Variants in TXK observed in about 807,000 individuals in gnomAD.
TXK encodes tyrosine-protein kinase TXK.
TXK carries 60 observed loss-of-function variants against 81.0 expected under a neutral mutation model. The ratio of observed to expected loss-of-function variants is 0.74; its 90% CI spans 0.60 to 0.92. The LOEUF is 0.92. Among genes scored for constraint, TXK ranks in the 40% least tolerant of loss-of-function variants. The pLI, the probability that TXK is intolerant of heterozygous loss-of-function variation, is 0.00. For synonymous variants in TXK, 203 were observed against 210.7 expected, an observed-to-expected ratio of 0.96 and a Z score of 0.32; for missense variants, 581 against 638.3, an observed-to-expected ratio of 0.91 and a Z score of 0.97.
Position 48,134,152 on chromosome 4 carries a change from C to G in TXK, c.16+3G>C, listed in dbSNP as rs1719319106. ...AATAAATGACAAAGCCCATCTTACT[C>G]ACAGGAGGAAAGGATCATGGTAGCC... On this transcript the variant is annotated splice_donor_region_variant and intron_variant, in intron 1 of 14. Coordinates refer to ENST00000264316, the MANE Select transcript of TXK (RefSeq NM_003328.3). 6.2e-7 allele frequency: 1 copy of G among 1,613,282 alleles called. No individual in the cohort carries two copies. Among genetic ancestry groups the G allele is most frequent in the Non-Finnish European group, 8.5e-7 (1 of 1,179,646 alleles).
At chr4:48,079,776 CA>C in intron 11 of TXK, 135 bp downstream of exon 11, 1 of 729,956 alleles carries the variant, frequency 1.4e-6, no homozygotes, top group Non-Finnish European at 2.3e-6. Context: ...TTACATTTTA[CA>C]ACAAATTGCA....
intron 8 of TXK, among the ~76,000 whole-genome samples, chr4:48,092,597 A>G (rs1464620729): frequency 1.5e-5 from 1 of 67,618 alleles, no homozygotes; most frequent in Non-Finnish European, 4.0e-5. Flanking sequence ...GCAATGTGTA[A>G]AGGGAGAAAG....
intron 8 of TXK, 53 bp downstream of exon 8, chr4:48,094,024 G>T: frequency 1.2e-6 from 2 of 1,610,222 alleles, no homozygotes; most frequent in East Asian, 4.5e-5. Context: ...AAGATGCATT[G>T]CCCATCAAGG....
chr4:48,092,213 T>C (rs1241713655), intron 8 of TXK, among the ~76,000 whole-genome samples: 3 of 152,146 alleles, frequency 2.0e-5, no homozygotes, highest in Admixed American at 2.0e-4. Flanking sequence ...GACAGAAGAT[T>C]ATGCAAAGGG....
intron 8 of TXK, 127 bp downstream of exon 8, chr4:48,093,950 T>C (rs1717875974): frequency 1.6e-6 from 2 of 1,288,124 alleles, no homozygotes; most frequent in African/African-American, 3.0e-5. Flanking sequence ...AAAAGATAAG[T>C]TGTACTTCAA....
Position 48,110,564 on chromosome 4 carries a change from G to GT in TXK, c.419dup (p.Asn140LysfsTer5). On this transcript the variant is annotated frameshift_variant, in exon 5 of 15. Transcript: ENST00000264316. LOFTEE classifies it high-confidence loss of function. ...CATATATTTCTAAATTAGTTATTTT[G>GT]TTTTCAGTCACATAGTTGCTTGGGA... 1 of 1,611,356 alleles carries GT rather than the reference G, an allele frequency of 6.2e-7. No homozygotes were observed. The highest frequency in any genetic ancestry group is 1.7e-4 in the Middle Eastern group (1 of 6,050).
chr4:48,095,246 A>G, intron 6 of TXK, 24 bp from the exon 7 acceptor site: 4 of 1,578,280 alleles, frequency 2.5e-6, no homozygotes, highest in Non-Finnish European at 3.5e-6. Context: ...CATTTATTGA[A>G]TAAGTCTATT....
chr4:48,116,808 G>C (rs988448776), intron 1 of TXK, among the ~76,000 whole-genome samples: 1 of 152,224 alleles, frequency 6.6e-6, no homozygotes, highest in Non-Finnish European at 1.5e-5. Context: ...GCAGGCTGGT[G>C]AAAGGCAGAG....
intron 1 of TXK, among the ~76,000 whole-genome samples, chr4:48,116,247 C>T (rs971826629): frequency 3.3e-5 from 5 of 152,072 alleles, no homozygotes; most frequent in Non-Finnish European, 7.4e-5. Context: ...ACGGTGAGGA[C>T]TAATTGAGTC....
At chr4:48,126,669 T>TC (rs1195885976) in intron 1 of TXK, among the ~76,000 whole-genome samples, 2 of 151,494 alleles carry the variant, frequency 1.3e-5, no homozygotes, top group East Asian at 3.9e-4. Flanking sequence ...CCCGGCTAAT[T>TC]TTTTTGGTAT....
intron 3 of TXK, 140 bp from the exon 4 acceptor site, chr4:48,112,652 T>A: frequency 1.2e-6 from 1 of 810,620 alleles, no homozygotes; most frequent in Non-Finnish European, 1.9e-6. Flanking sequence ...GAGATAAATG[T>A]AGAAAAGGAC....
At chr4:48,102,021 C>A (rs2109449283) in intron 6 of TXK, among the ~76,000 whole-genome samples, 1 of 151,980 alleles carries the variant, frequency 6.6e-6, no homozygotes, top group South Asian at 2.1e-4. Flanking sequence ...CTCTGTCACC[C>A]AGGCTGGAGT....
intron 1 of TXK, among the ~76,000 whole-genome samples, chr4:48,122,346 G>A (rs941407343): frequency 6.6e-6 from 1 of 152,152 alleles, no homozygotes; most frequent in African/African-American, 2.4e-5. Flanking sequence ...TCTCACCAGA[G>A]ATTCTTGGCT....
chr4:48,093,370 G>A (rs1475595046), intron 8 of TXK, among the ~76,000 whole-genome samples: 7 of 152,216 alleles, frequency 4.6e-5, no homozygotes, highest in Admixed American at 3.3e-4. Flanking sequence ...AAAAGTTACC[G>A]TGGATTCTGA....
chr4:48,109,163 T>G (rs1718552452), intron 5 of TXK, among the ~76,000 whole-genome samples: 1 of 149,472 alleles, frequency 6.7e-6, no homozygotes, highest in South Asian at 2.1e-4. Context: ...TGCTCTTGAG[T>G]AGATAGCTGT....
At chr4:48,104,145 G>A (rs1409968990) in intron 6 of TXK, among the ~76,000 whole-genome samples, 3 of 139,210 alleles carry the variant, frequency 2.2e-5, no homozygotes, top group Non-Finnish European at 4.5e-5. Flanking sequence ...CAAGACTTCA[G>A]TCAGCTGTGA....
intron 6 of TXK, among the ~76,000 whole-genome samples, chr4:48,096,729 G>T (rs1304918796): frequency 6.6e-6 from 1 of 151,860 alleles, no homozygotes; most frequent in African/African-American, 2.4e-5. Flanking sequence ...AGGTTTCACC[G>T]TGTTGGCCAT....
intron 8 of TXK, among the ~76,000 whole-genome samples, chr4:48,092,644 A>C (rs1284354001): frequency 9.0e-6 from 1 of 111,184 alleles, no homozygotes; most frequent in Non-Finnish European, 2.1e-5. Context: ...TTTTGTTTTT[A>C]GGATAAGAAA....
chr4:48,110,385 A>G (rs922349356), intron 5 of TXK, among the ~76,000 whole-genome samples, 153 bp downstream of exon 5: 1 of 152,226 alleles, frequency 6.6e-6, no homozygotes, highest in Non-Finnish European at 1.5e-5. Flanking sequence ...GAAGTTTCTG[A>G]ATCAACCATG....
Sources: gnomAD v4.1 joint callset for allele counts (sites outside exome capture counted in the v4.1 genomes callset) on GRCh38, gnomAD v4.1.1 for gene constraint, MANE v1.5 for transcripts, NCBI Gene and HGNC (gene_info 2026-07-23, HGNC 2026-07-21) for gene names.